ST8SIA6: variants seen among roughly 807,000 people sequenced by gnomAD.
ST8SIA6 encodes alpha-2,8-sialyltransferase 8F.
Under a neutral mutation model 33.6 loss-of-function variants are expected in ST8SIA6, and 39 were observed. The ratio of observed to expected loss-of-function variants is 1.16; its 90% CI spans 0.90 to 1.52. The LOEUF is 1.52. ST8SIA6 is among the 40% of genes most tolerant of loss of function. The pLI is 0.00. For synonymous variants in ST8SIA6, 172 were observed against 167.2 expected, an observed-to-expected ratio of 1.03 and a Z score of -0.22; for missense variants, 441 against 443.8, an observed-to-expected ratio of 0.99 and a Z score of 0.06.
intron 2 of ST8SIA6, among the ~76,000 whole-genome samples, chr10:17,415,994 G>A (rs931238369): frequency 2.7e-4 from 41 of 151,650 alleles, no homozygotes; most frequent in African/African-American, 9.4e-4. Context: ...TTTTAGTAGA[G>A]ACAGGGTTTC....
intron 3 of ST8SIA6, among the ~76,000 whole-genome samples, chr10:17,368,232 C>CAAA (rs61426907): frequency 5.4e-5 from 4 of 74,198 alleles, no homozygotes; most frequent in Non-Finnish European, 1.0e-4. Context: ...CCTGTCTCTA[C>CAAA]AAAAAAAAAA....
intron 2 of ST8SIA6, among the ~76,000 whole-genome samples, chr10:17,434,553 G>A (rs1852193631): frequency 6.6e-6 from 1 of 152,170 alleles, no homozygotes; most frequent in Admixed American, 6.5e-5. Context: ...AGTGAGTTGG[G>A]ATAGAATCTT....
intron 4 of ST8SIA6, among the ~76,000 whole-genome samples, chr10:17,334,933 G>A (rs1308465371): frequency 6.6e-6 from 1 of 152,124 alleles, no homozygotes. Flanking sequence ...CTTGATAATT[G>A]TTCCAGGGTT....
intron 4 of ST8SIA6, among the ~76,000 whole-genome samples, chr10:17,343,641 A>G (rs548507259): frequency 2.0e-5 from 3 of 152,292 alleles, no homozygotes; most frequent in African/African-American, 7.2e-5. Flanking sequence ...AGCCCTGAGA[A>G]AAACAGAAGA....
intron 2 of ST8SIA6, among the ~76,000 whole-genome samples, chr10:17,427,983 A>T (rs1361056545): frequency 6.6e-6 from 1 of 152,228 alleles, no homozygotes; most frequent in Non-Finnish European, 1.5e-5. Context: ...AGTACACAAG[A>T]GTCCTTCTAT....
intron 6 of ST8SIA6, among the ~76,000 whole-genome samples, chr10:17,323,647 A>G (rs913473669): frequency 1.3e-5 from 2 of 152,188 alleles, no homozygotes; most frequent in African/African-American, 4.8e-5. Flanking sequence ...GGCCTCCCAA[A>G]GTGCTGGGAT....
intron 3 of ST8SIA6, among the ~76,000 whole-genome samples, chr10:17,368,883 T>C (rs867553356): frequency 4.6e-5 from 7 of 152,224 alleles, no homozygotes; most frequent in Middle Eastern, 6.8e-3. Context: ...TGGCAGGAGA[T>C]GAGATCAGAA....
intron 4 of ST8SIA6, among the ~76,000 whole-genome samples, chr10:17,333,688 T>A (rs879516217): frequency 4.7e-5 from 1 of 21,324 alleles, no homozygotes; most frequent in African/African-American, 1.4e-4. Context: ...TATATATATA[T>A]ATATATATAT....
At chr10:17,374,071 C>CCACACA (rs58234998) in intron 3 of ST8SIA6, among the ~76,000 whole-genome samples, 2,027 of 139,040 alleles carry the variant, frequency 0.015, 30 homozygotes, top group South Asian at 0.049. Flanking sequence ...TCAACAACCA[C>CCACACA]CACACACACA....
At chr10:17,327,438 T>A (rs888867313) in intron 5 of ST8SIA6, among the ~76,000 whole-genome samples, 8 of 151,516 alleles carry the variant, frequency 5.3e-5, no homozygotes, top group African/African-American at 1.7e-4. Flanking sequence ...TACAAAAAAA[T>A]TAGCTGGGCG....
chr10:17,383,288 T>C (rs1021759498), intron 3 of ST8SIA6, among the ~76,000 whole-genome samples: 1 of 152,220 alleles, frequency 6.6e-6, no homozygotes, highest in Non-Finnish European at 1.5e-5. Flanking sequence ...ATTAATCCTT[T>C]AAGACATTAG....
intron 2 of ST8SIA6, among the ~76,000 whole-genome samples, chr10:17,434,261 C>T (rs1221543197): frequency 1.3e-5 from 2 of 152,168 alleles, no homozygotes; most frequent in South Asian, 2.1e-4. Context: ...AGAAAATCTT[C>T]TAAGATTCAA....
intron 4 of ST8SIA6, 100 bp downstream of exon 4, chr10:17,359,414 T>C (rs1849308947): frequency 2.4e-6 from 2 of 846,852 alleles, no homozygotes; most frequent in East Asian, 2.9e-5. Flanking sequence ...CCAGCTGGGG[T>C]TGGTTCTACT....
chr10:17,345,043 G>A (rs1848788610), intron 4 of ST8SIA6, among the ~76,000 whole-genome samples: 1 of 152,114 alleles, frequency 6.6e-6, no homozygotes, highest in African/African-American at 2.4e-5. Flanking sequence ...GCTAGTGGGA[G>A]AGAGACAACA....
chr10:17,371,196 A>G (rs1849720568), intron 3 of ST8SIA6, among the ~76,000 whole-genome samples: 1 of 152,244 alleles, frequency 6.6e-6, no homozygotes, highest in Non-Finnish European at 1.5e-5. Flanking sequence ...GATACAGGGA[A>G]GAGTGCTAAA....
intron 3 of ST8SIA6, among the ~76,000 whole-genome samples, chr10:17,379,074 T>G (rs914071908): frequency 3.3e-5 from 5 of 149,544 alleles, no homozygotes; most frequent in African/African-American, 1.3e-4. Flanking sequence ...TGCAGTGAGC[T>G]GAGATCGCAC....
intron 3 of ST8SIA6, among the ~76,000 whole-genome samples, chr10:17,375,936 A>C (rs1432428620): frequency 6.6e-6 from 1 of 152,206 alleles, no homozygotes; most frequent in Non-Finnish European, 1.5e-5. Flanking sequence ...AGAATGGTAG[A>C]GCTATTTAAT....
chr10:17,412,897 A>T (rs1330602080), intron 2 of ST8SIA6, among the ~76,000 whole-genome samples: 1 of 152,220 alleles, frequency 6.6e-6, no homozygotes, highest in African/African-American at 2.4e-5. Context: ...AAGTATACTG[A>T]TTTGATATTT....
chr10:17,411,724 T>A (rs1461105296), intron 2 of ST8SIA6, among the ~76,000 whole-genome samples: 1 of 152,200 alleles, frequency 6.6e-6, no homozygotes, highest in African/African-American at 2.4e-5. Flanking sequence ...CCAAGACATG[T>A]CAGGTTTCTC....
Sources: allele counts gnomAD v4.1 joint callset (sites outside exome capture counted in the v4.1 genomes callset), GRCh38; gene constraint gnomAD v4.1.1; transcripts MANE v1.5; gene names NCBI Gene and HGNC (gene_info 2026-07-23, HGNC 2026-07-21).